Variants in POLR3B observed in about 807,000 individuals in gnomAD.
The protein encoded by POLR3B is RNA polymerase III subunit B, also known as DNA-directed RNA polymerase III subunit RPC2.
POLR3B carries 96 observed loss-of-function variants against 147.4 expected under a neutral mutation model. The ratio of observed to expected loss-of-function variants is 0.65; its 90% confidence interval spans 0.55 to 0.77. The LOEUF (loss-of-function observed/expected upper bound fraction) is 0.77, where lower values mean the gene tolerates loss of function less well. POLR3B is among the 30% of genes least tolerant of loss of function. POLR3B has a pLI of 0.00. For missense variants in POLR3B, 1,036 were observed against 1,413.5 expected, an observed-to-expected ratio of 0.73 and a Z score of 4.28; for synonymous variants, 461 against 485.9, an observed-to-expected ratio of 0.95 and a Z score of 0.67.
At chr12:106,378,714 T>G (rs965218125) in intron 8 of POLR3B, among the ~76,000 whole-genome samples, 1 of 152,158 alleles carries the variant, frequency 6.6e-6, no homozygotes, top group Non-Finnish European at 1.5e-5. Context: ...TTTATGCTCC[T>G]TTTCAGCCTT....
chr12:106,362,485 G>A (rs2036483816), intron 1 of POLR3B, among the ~76,000 whole-genome samples: 1 of 152,208 alleles, frequency 6.6e-6, no homozygotes, highest in Non-Finnish European at 1.5e-5. Flanking sequence ...CTATGAGAGA[G>A]GATCTGCTCT....
chr12:106,460,551 G>A (rs1228061537), intron 22 of POLR3B, among the ~76,000 whole-genome samples: 2 of 152,194 alleles, frequency 1.3e-5, no homozygotes, highest in Admixed American at 6.5e-5. Context: ...TGGAGGAGGA[G>A]CACCAAAGAG....
chr12:106,439,013 C>G (rs775654931), intron 18 of POLR3B, among the ~76,000 whole-genome samples: 1 of 152,212 alleles, frequency 6.6e-6, no homozygotes, highest in South Asian at 2.1e-4. Flanking sequence ...AATTGGAATT[C>G]TTGCAGATAT....
At chr12:106,496,942 T>TAAAGAA in intron 25 of POLR3B, 24 bp downstream of exon 25, 1 of 1,609,946 alleles carries the variant, frequency 6.2e-7, no homozygotes. Flanking sequence ...TGAGCTATTT[T>TAAAGAA]AAAGAAAAAG....
Position 106,405,896 on chromosome 12 carries a change from A to T in POLR3B, c.886A>T (p.Met296Leu). ...YIGNKVRRQRMWGGGPKKTKI... is the reference protein window; with the variant it reads ...YIGNKVRRQRLWGGGPKKTKI... ...AGGGAACAAAGTAAGAAGGCAAAGG[A>T]TGTGGGGAGGTGGACCAAAGAAAAC... Residue 296 changes from methionine (M) to leucine (L), a missense_variant, in exon 11 of 28, where the codon ATG (methionine) becomes TTG (leucine). By Grantham distance (15) the Met-to-Leu change is conservative. Coordinates refer to ENST00000228347, the MANE Select transcript of POLR3B (RefSeq NM_018082.6). 1 of 1,613,224 alleles carries T rather than the reference A, an allele frequency of 6.2e-7. No homozygotes were observed. Among genetic ancestry groups the T allele is most frequent in the Non-Finnish European group, 8.5e-7 (1 of 1,179,208 alleles).
At chr12:106,365,704 C>T (rs1423029342) in intron 2 of POLR3B, among the ~76,000 whole-genome samples, 2 of 151,682 alleles carry the variant, frequency 1.3e-5, no homozygotes, top group African/African-American at 2.4e-5. Context: ...ACTAAAAATA[C>T]AAAAATTAGC....
chr12:106,400,095 G>T (rs768643252), intron 10 of POLR3B, among the ~76,000 whole-genome samples: 12 of 152,206 alleles, frequency 7.9e-5, no homozygotes, highest in Non-Finnish European at 1.0e-4. Context: ...ACCCATCTAA[G>T]GTGCAGAGAC....
chr12:106,412,059 G>A (rs1010921837), intron 12 of POLR3B, among the ~76,000 whole-genome samples: 2 of 151,988 alleles, frequency 1.3e-5, no homozygotes, highest in African/African-American at 4.8e-5. Context: ...GTCACTTGTG[G>A]GTCATTCTCT....
At chr12:106,425,619 G>A (rs909075878) in intron 12 of POLR3B, among the ~76,000 whole-genome samples, 2 of 152,120 alleles carry the variant, frequency 1.3e-5, no homozygotes, top group Non-Finnish European at 2.9e-5. Context: ...CAACAAAGGG[G>A]TCTTTCTCAG....
rs746411185 is a variant in POLR3B at position 106,376,424 on chromosome 12, A to C, written c.470A>C (p.Lys157Thr). ...LTGKTPAEFAKLNECPLDPGG... is the reference protein window; with the variant it reads ...LTGKTPAEFATLNECPLDPGG... ...GGAAAAACGCCAGCAGAATTTGCCAAACTGAACGAATGTCCCTTAGATCCA... is the reference window on the plus strand; with the variant it reads ...GGAAAAACGCCAGCAGAATTTGCCACACTGAACGAATGTCCCTTAGATCCA... The change falls in exon 7 of 28, where the codon AAA becomes ACA. Residue 157 changes from lysine (K) to threonine (T), a missense_variant. By Grantham distance (78) the Lys-to-Thr change is moderately conservative. Transcript: ENST00000228347. The C allele has an allele frequency of 6.2e-7, 1 of 1,613,150 alleles. No homozygotes were observed. The highest frequency in any genetic ancestry group is 1.7e-5 in the Admixed American group (1 of 60,012).
intron 23 of POLR3B, among the ~76,000 whole-genome samples, chr12:106,470,964 C>T (rs894149828): frequency 3.3e-5 from 5 of 152,106 alleles, no homozygotes; most frequent in Admixed American, 1.3e-4. Flanking sequence ...GCTTGAACAC[C>T]GTGCTGGGAG....
At chr12:106,397,373 T>C (rs1043804714) in intron 10 of POLR3B, among the ~76,000 whole-genome samples, 4 of 152,224 alleles carry the variant, frequency 2.6e-5, no homozygotes, top group Admixed American at 2.0e-4. Flanking sequence ...GAATATTTCC[T>C]TATCCCACAG....
chr12:106,467,223 G>T (rs1450913936), intron 23 of POLR3B, among the ~76,000 whole-genome samples: 3 of 152,114 alleles, frequency 2.0e-5, no homozygotes, highest in Non-Finnish European at 4.4e-5. Flanking sequence ...AATTGTGAAT[G>T]GGAGTTCACT....
In POLR3B at chr12:106,509,825, T is replaced by G. The variant is rs1396822453; in HGVS notation, c.*276T>G. On this transcript the variant is annotated 3_prime_UTR_variant, in exon 28 of 28. Transcript: ENST00000228347. ...GTGACCTAAAGGATAAATAAGCTAT[T>G]ACTTATGTGCTGATCTCTTGACATT... 2 of 377,812 alleles carry G rather than the reference T, an allele frequency of 5.3e-6. No individual in the cohort carries two copies. The highest frequency in any genetic ancestry group is 1.0e-5 in the Non-Finnish European group (2 of 196,624). 23.4% of individuals were successfully genotyped at this position (377,812 alleles called of 1,614,324 possible). A position where few individuals can be genotyped will look rare whatever the true frequency, so the allele number is the denominator to read the frequency against.
At chr12:106,378,485 A>C in intron 8 of POLR3B, 101 bp downstream of exon 8, 1 of 703,290 alleles carries the variant, frequency 1.4e-6, no homozygotes, top group Admixed American at 2.3e-5. Context: ...TACCCTCTAA[A>C]AGCAGGCATT....
intron 12 of POLR3B, among the ~76,000 whole-genome samples, chr12:106,425,271 C>A (rs1278323164): frequency 6.6e-6 from 1 of 152,116 alleles, no homozygotes; most frequent in African/African-American, 2.4e-5. Flanking sequence ...AGGATCTTTG[C>A]CCAACCAGGT....
intron 9 of POLR3B, among the ~76,000 whole-genome samples, chr12:106,383,062 T>C (rs1442699495): frequency 6.6e-6 from 1 of 152,250 alleles, no homozygotes; most frequent in Non-Finnish European, 1.5e-5. Context: ...ACTTTTATGT[T>C]ATGGAGATGG....
At chr12:106,428,818 TC>T (rs896362947) in intron 13 of POLR3B, among the ~76,000 whole-genome samples, 32 of 152,324 alleles carry the variant, frequency 2.1e-4, no homozygotes, top group African/African-American at 7.7e-4. Context: ...TTTAGCTCTT[TC>T]CCACGTTTCA....
Position 106,390,271 on chromosome 12 carries a change from C to A in POLR3B, c.724-2760C>A, listed in dbSNP as rs538800073. On this transcript the variant is annotated intron_variant, in intron 9 of 27. Transcript: ENST00000228347. ...AACAAGCAGAAAAACTCTCTCCCCC[C>A]CCAGTTTTTTTTTAAGTTTCATATT... Among the ~76,000 whole-genome samples, 107 of 93,372 alleles carry A rather than the reference C, an allele frequency of 1.1e-3. 3 individuals are homozygous for A. In the East Asian group the frequency reaches 0.045, roughly 40 times the overall value. 61.3% of individuals were successfully genotyped at this position (93,372 alleles called of 152,430 possible). A position where few individuals can be genotyped will look rare whatever the true frequency, so the allele number is the denominator to read the frequency against.
Sources: gnomAD v4.1 joint callset for allele counts (sites outside exome capture counted in the v4.1 genomes callset) on GRCh38, gnomAD v4.1.1 for gene constraint, MANE v1.5 for transcripts, NCBI Gene and HGNC (gene_info 2026-07-23, HGNC 2026-07-21) for gene names.